Variants in PPP2R2A observed in about 807,000 individuals in gnomAD.
PPP2R2A encodes the protein serine/threonine-protein phosphatase 2A 55 kDa regulatory subunit B alpha isoform.
Under a neutral mutation model 53.2 loss-of-function variants are expected in PPP2R2A, and 9 were observed. The ratio of observed to expected loss-of-function variants is 0.17; its 90% CI spans 0.10 to 0.30. The LOEUF (loss-of-function observed/expected upper bound fraction) is 0.30. Among genes scored for constraint, PPP2R2A ranks in the 10% least tolerant of loss-of-function variants. The pLI is 1.00. For missense variants in PPP2R2A, 235 were observed against 534.6 expected, an observed-to-expected ratio of 0.44 and a Z score of 5.53; for synonymous variants, 169 against 174.2, an observed-to-expected ratio of 0.97 and a Z score of 0.23.
chr8:26,332,795 C>CT (rs1411043025), intron 2 of PPP2R2A, among the ~76,000 whole-genome samples: 4 of 152,174 alleles, frequency 2.6e-5, no homozygotes. Flanking sequence ...AAATATTTTA[C>CT]TAAACACAGA....
At chr8:26,351,700 C>G (rs1370360242) in intron 3 of PPP2R2A, among the ~76,000 whole-genome samples, 1 of 152,218 alleles carries the variant, frequency 6.6e-6, no homozygotes, top group East Asian at 1.9e-4. Flanking sequence ...CATCCTTTCC[C>G]CATTGCCCAG....
chr8:26,293,964 G>T (rs1801425558), intron 2 of PPP2R2A: 1 of 516,848 alleles, frequency 1.9e-6, no homozygotes, highest in Admixed American at 3.4e-5. Flanking sequence ...TACATGGAAG[G>T]AGCGGTAGAT....
Position 26,370,351 on chromosome 8 carries a change from G to A in PPP2R2A, c.1282G>A (p.Glu428Lys). 1 of 1,614,116 alleles carries A rather than the reference G, an allele frequency of 6.2e-7. No individual in the cohort carries two copies. The highest frequency in any genetic ancestry group is 1.3e-5 in the African/African-American group (1 of 75,042). The change falls in exon 10 of 10, where the codon GAA (glutamate) becomes AAA (lysine). Residue 428 changes from glutamate (E) to lysine (K), a missense_variant. Physicochemically the swap from Glu to Lys is moderately conservative, Grantham distance 56. Coordinates refer to ENST00000380737, the MANE Select transcript of PPP2R2A (RefSeq NM_002717.4). This position sits in a 1 kb window ranked among gnomAD's most constrained non-coding sequence, Gnocchi z 6.1. ...CCTTCACACAGCCTGGCACCCCAAG[G>A]AAAATATCATTGCCGTAGCTACTAC... ...KILHTAWHPK[E>K]NIIAVATTNN...
intron 2 of PPP2R2A, 63 bp downstream of exon 2, chr8:26,293,803 G>A (rs1313451503): frequency 8.2e-6 from 12 of 1,457,148 alleles, no homozygotes; most frequent in African/African-American, 2.8e-5. Flanking sequence ...TCCTACTGGA[G>A]GATTTCCTTG....
At chr8:26,325,247 T>C (rs1803028879) in intron 2 of PPP2R2A, among the ~76,000 whole-genome samples, 2 of 151,854 alleles carry the variant, frequency 1.3e-5, no homozygotes, top group Non-Finnish European at 1.5e-5. Context: ...GGGGGGGTAA[T>C]TGAATCATGG....
intron 8 of PPP2R2A, 90 bp downstream of exon 8, chr8:26,363,980 G>C: frequency 8.1e-7 from 1 of 1,233,128 alleles, no homozygotes; most frequent in Non-Finnish European, 1.1e-6. Context: ...TTTAATCCCT[G>C]TATGGTGTTT....
chr8:26,333,688 A>T (rs996459906), intron 2 of PPP2R2A: 7 of 388,520 alleles, frequency 1.8e-5, no homozygotes, highest in African/African-American at 4.2e-5. Flanking sequence ...TTATACTGAG[A>T]GTTACATTTT....
chr8:26,315,193 T>C (rs562687751), intron 2 of PPP2R2A, among the ~76,000 whole-genome samples: 11 of 152,278 alleles, frequency 7.2e-5, no homozygotes, highest in African/African-American at 2.4e-4. Flanking sequence ...GAATCCTTGG[T>C]TGTCTGTTAG....
intron 8 of PPP2R2A, chr8:26,365,492 GA>G (rs537827280): frequency 1.3e-5 from 2 of 152,162 alleles, no homozygotes; most frequent in Non-Finnish European, 2.9e-5. Context: ...TAAGCATTTA[GA>G]AGGTACCTTC....
intron 3 of PPP2R2A, among the ~76,000 whole-genome samples, chr8:26,340,861 A>G (rs1341998557): frequency 2.0e-5 from 3 of 152,120 alleles, no homozygotes; most frequent in African/African-American, 7.2e-5. Context: ...TACTGAAATT[A>G]CTCATTTACT....
At position 26,291,742 on chromosome 8, in the gene PPP2R2A, C is replaced by G. The variant is rs149037983; in HGVS notation, c.-78C>G. The G allele has an allele frequency of 0.027, 41,855 of 1,529,354 alleles. 631 individuals are homozygous for G. The highest frequency in any genetic ancestry group is 0.042 in the African/African-American group (2,971 of 71,202). 94.7% of individuals were successfully genotyped at this position (1,529,354 alleles called of 1,614,324 possible). On this transcript the variant is annotated 5_prime_UTR_variant, in exon 1 of 10. Transcript: ENST00000380737. ...GCCGCCATCCGCCCTCTCTACCCCC[C>G]CATCCCCAGGTGAGGGGGGTGAGTT... is the stretch of plus-strand genomic sequence containing the variant.
chr8:26,295,604 C>T (rs942098228), intron 2 of PPP2R2A, among the ~76,000 whole-genome samples: 1 of 152,150 alleles, frequency 6.6e-6, no homozygotes, highest in Non-Finnish European at 1.5e-5. Context: ...CATTTTTCTA[C>T]TGATTGGTTA....
intron 2 of PPP2R2A, among the ~76,000 whole-genome samples, chr8:26,315,321 G>C (rs990281415): frequency 6.6e-6 from 1 of 152,170 alleles, no homozygotes; most frequent in African/African-American, 2.4e-5. Flanking sequence ...AGTATCTCTA[G>C]ATGAGAAGGA....
chr8:26,334,818 C>T (rs993159843), intron 2 of PPP2R2A, among the ~76,000 whole-genome samples: 1 of 152,156 alleles, frequency 6.6e-6, no homozygotes, highest in African/African-American at 2.4e-5. Flanking sequence ...GCTGTCCAGT[C>T]TGGTAGCCGC....
At chr8:26,315,772 G>A (rs190484109) in intron 2 of PPP2R2A, among the ~76,000 whole-genome samples, 356 of 152,056 alleles carry the variant, frequency 2.3e-3, no homozygotes, top group Non-Finnish European at 3.9e-3. Context: ...GTTGCCTTGC[G>A]TTTTCTTTGT....
intron 2 of PPP2R2A, among the ~76,000 whole-genome samples, chr8:26,323,271 C>G (rs1177207776): frequency 6.6e-6 from 1 of 152,252 alleles, no homozygotes; most frequent in African/African-American, 2.4e-5. Context: ...AACACACACA[C>G]AGTTTCTTGC....
rs921276686 is a variant in PPP2R2A, at chr8:26,360,842, T to A, written c.460-132T>A. The A allele has an allele frequency of 2.3e-6, 2 of 852,624 alleles. No homozygotes were observed. The highest frequency in any genetic ancestry group is 3.4e-6 in the Non-Finnish European group (2 of 587,818). The allele number at this position is 852,624 out of a possible 1,614,324, so 52.8% of individuals were successfully genotyped here. A position where few individuals can be genotyped will look rare whatever the true frequency, so the allele number is the denominator to read the frequency against. ...GAAAGGATCAACATCAGTTGCTTTTTAAAACTAAATCTATGTAATATTGTT... is the reference window on the plus strand; with the variant it reads ...GAAAGGATCAACATCAGTTGCTTTTAAAAACTAAATCTATGTAATATTGTT... On this transcript the variant is annotated intron_variant, in intron 5 of 9. Coordinates refer to ENST00000380737, the MANE Select transcript of PPP2R2A (RefSeq NM_002717.4). The surrounding 1 kb of genome is among the most constrained non-coding windows in gnomAD (Gnocchi z 4.5).
At chr8:26,328,450 A>G (rs1241869405) in intron 2 of PPP2R2A, among the ~76,000 whole-genome samples, 1 of 152,182 alleles carries the variant, frequency 6.6e-6, no homozygotes, top group African/African-American at 2.4e-5. Context: ...AATCTTAATC[A>G]TTGGAATGGT....
At chr8:26,324,372 G>C (rs759840071) in intron 2 of PPP2R2A, among the ~76,000 whole-genome samples, 7 of 152,212 alleles carry the variant, frequency 4.6e-5, no homozygotes, top group Admixed American at 4.6e-4. Context: ...TAAGATCCAT[G>C]AGAGCAGGGA....
Sources: gnomAD v4.1 joint callset for allele counts (sites outside exome capture counted in the v4.1 genomes callset) on GRCh38, gnomAD v4.1.1 for gene constraint, Gnocchi (gnomAD v3.1) non-coding constraint, MANE v1.5 for transcripts, NCBI Gene and HGNC (gene_info 2026-07-23, HGNC 2026-07-21) for gene names.